CDH7: variants seen among roughly 807,000 people sequenced by gnomAD.
CDH7 encodes the protein cadherin-7.
In CDH7, 25 loss-of-function variants were observed where a neutral mutation model predicts 71.8. That is an observed-to-expected ratio of 0.35 (90% confidence interval 0.25 to 0.49). The LOEUF is 0.49. CDH7 is among the 20% of genes least tolerant of loss of function. The pLI, the probability that CDH7 is intolerant of heterozygous loss-of-function variation, is 0.99. For synonymous variants in CDH7, 381 were observed against 363.8 expected (o/e 1.05, Z -0.54); for missense variants, 862 against 974.6 (o/e 0.88, Z 1.54).
At chr18:65,828,515 T>A (rs1912215044) in intron 6 of CDH7, among the ~76,000 whole-genome samples, 1 of 152,186 alleles carries the variant, frequency 6.6e-6, no homozygotes, top group Non-Finnish European at 1.5e-5. Flanking sequence ...AAAATTGGTA[T>A]GTATTAAATG....
intron 2 of CDH7, among the ~76,000 whole-genome samples, chr18:65,765,386 C>A (rs1261610211): frequency 2.0e-5 from 3 of 151,648 alleles, no homozygotes; most frequent in African/African-American, 7.3e-5. Context: ...TCTGAATAAG[C>A]AGAGATATAA....
intron 9 of CDH7, 38 bp downstream of exon 9, chr18:65,859,084 T>C: frequency 1.2e-6 from 2 of 1,600,164 alleles, no homozygotes; most frequent in Non-Finnish European, 1.7e-6. Flanking sequence ...TAATTTGTGG[T>C]TTCTTAAAAA....
chr18:65,888,709 A>T lies in CDH7; in HGVS notation c.*7815A>T, dbSNP rs373000887. 4 of 151,614 alleles carry T rather than the reference A, an allele frequency of 2.6e-5. No homozygotes were observed. The highest frequency in any genetic ancestry group is 4.2e-4 in the South Asian group (2 of 4,784). The allele number at this position is 151,614 out of a possible 1,614,324, so 9.4% of individuals were successfully genotyped here. A position where few individuals can be genotyped will look rare whatever the true frequency, so the allele number is the denominator to read the frequency against. On this transcript the variant is annotated 3_prime_UTR_variant, in exon 12 of 12. Coordinates refer to ENST00000397968, the MANE Select transcript of CDH7 (RefSeq NM_004361.5). ...GCATTGTTAGGTTTTTTAAGGAAAA[A>T]CTTTGATGCCCAGAATAACTGTAAC...
At position 65,883,896 on chromosome 18, in the gene CDH7, G is replaced by C. The variant is rs1185114473; in HGVS notation, c.*3002G>C. 1 of 152,102 alleles carries C rather than the reference G, an allele frequency of 6.6e-6. No homozygotes were observed. Among genetic ancestry groups the C allele is most frequent in the Non-Finnish European group, 1.5e-5 (1 of 67,974 alleles). 9.4% of individuals were successfully genotyped at this position (152,102 alleles called of 1,614,324 possible). A position where few individuals can be genotyped will look rare whatever the true frequency, so the allele number is the denominator to read the frequency against. ...AGTGAAATCCTTGGAGCTACTTGTA[G>C]ACAGGGAGAGGAGTCACTTCTTTAT... On this transcript the variant is annotated 3_prime_UTR_variant, in exon 12 of 12. Transcript: ENST00000397968.
chr18:65,767,844 G>GT (rs1043754761), intron 2 of CDH7, among the ~76,000 whole-genome samples: 13 of 152,078 alleles, frequency 8.5e-5, no homozygotes, highest in Admixed American at 6.5e-5. Flanking sequence ...TTGTTATTTT[G>GT]TTTTTTTCTT....
At chr18:65,804,121 A>G (rs1272140876) in intron 2 of CDH7, among the ~76,000 whole-genome samples, 1 of 152,158 alleles carries the variant, frequency 6.6e-6, no homozygotes, top group African/African-American at 2.4e-5. Context: ...TCTCTTTCAT[A>G]AAATTTCACC....
chr18:65,771,738 C>T (rs1410683016), intron 2 of CDH7, among the ~76,000 whole-genome samples: 2 of 151,658 alleles, frequency 1.3e-5, no homozygotes, highest in Admixed American at 6.6e-5. Context: ...ATTTTACCCA[C>T]GTTTGCTTCA....
At chr18:65,782,165 C>T (rs200638708) in intron 2 of CDH7, among the ~76,000 whole-genome samples, 4,405 of 24,872 alleles carry the variant, frequency 0.18, 754 homozygotes, top group African/African-American at 0.42. Context: ...TTTCTTTCTT[C>T]CTTTCTTTCT....
chr18:65,763,123 A>G, intron 2 of CDH7, 71 bp downstream of exon 2: 1 of 799,294 alleles, frequency 1.3e-6, no homozygotes, highest in Non-Finnish European at 1.8e-6. Flanking sequence ...AAAAACTGCT[A>G]TATATATATA....
chr18:65,839,498 G>A (rs1340702319), intron 6 of CDH7, among the ~76,000 whole-genome samples: 4 of 152,150 alleles, frequency 2.6e-5, no homozygotes, highest in African/African-American at 9.7e-5. Context: ...CACCTTGGGG[G>A]TTAGGATTTG....
At chr18:65,868,052 T>G (rs1913817997) in intron 11 of CDH7, among the ~76,000 whole-genome samples, 1 of 40,586 alleles carries the variant, frequency 2.5e-5, no homozygotes, top group African/African-American at 7.9e-5. Flanking sequence ...TGAACATCAC[T>G]GAAGATTGTG....
chr18:65,782,172 T>A (rs201525661), intron 2 of CDH7, among the ~76,000 whole-genome samples: 3,093 of 63,664 alleles, frequency 0.049, 575 homozygotes, highest in Middle Eastern at 0.13. Flanking sequence ...CTTCCTTTCT[T>A]TCTTTCTTTC....
chr18:65,821,989 C>T (rs1321944256), intron 4 of CDH7, 92 bp from the exon 5 acceptor site: 1 of 980,474 alleles, frequency 1.0e-6, no homozygotes, highest in Non-Finnish European at 1.6e-6. Flanking sequence ...AAGGCAACAA[C>T]TCAAGAGGGA....
At position 65,881,665 on chromosome 18, in the gene CDH7, G is replaced by A. The variant is rs1914235983; in HGVS notation, c.*771G>A. ...ATTATCTCTTCTGATTTGTACAGGA[G>A]AATATCTTTTCTTTTTTATTTGACA... On this transcript the variant is annotated 3_prime_UTR_variant, in exon 12 of 12. Coordinates refer to ENST00000397968, the MANE Select transcript of CDH7 (RefSeq NM_004361.5). 2 of 152,030 alleles carry A rather than the reference G, an allele frequency of 1.3e-5. No homozygotes were observed. Among genetic ancestry groups the A allele is most frequent in the South Asian group, 4.1e-4 (2 of 4,830 alleles). The allele number at this position is 152,030 out of a possible 1,614,324, so 9.4% of individuals were successfully genotyped here.
At chr18:65,774,624 G>C (rs1237910918) in intron 2 of CDH7, among the ~76,000 whole-genome samples, 1 of 140,344 alleles carries the variant, frequency 7.1e-6, no homozygotes, top group Non-Finnish European at 1.5e-5. Context: ...CGATTTCCTC[G>C]GGGCCGTCAT....
At chr18:65,833,825 G>T (rs1240463641) in intron 6 of CDH7, among the ~76,000 whole-genome samples, 1 of 152,072 alleles carries the variant, frequency 6.6e-6, no homozygotes, top group Non-Finnish European at 1.5e-5. Context: ...TGATCAAAAG[G>T]CACTGACTTT....
At chr18:65,794,278 T>C (rs1910825868) in intron 2 of CDH7, among the ~76,000 whole-genome samples, 1 of 151,974 alleles carries the variant, frequency 6.6e-6, no homozygotes, top group Non-Finnish European at 1.5e-5. Context: ...ATGTGGAAAG[T>C]TGTAGGGAAC....
At chr18:65,752,000 A>G (rs1915894955) in intron 1 of CDH7, among the ~76,000 whole-genome samples, 1 of 152,250 alleles carries the variant, frequency 6.6e-6, no homozygotes, top group South Asian at 2.1e-4. Context: ...GCAAATGGCA[A>G]ACTATTGAGA....
chr18:65,877,875 G>A (rs766072348), intron 11 of CDH7, among the ~76,000 whole-genome samples: 4 of 152,134 alleles, frequency 2.6e-5, no homozygotes, highest in Admixed American at 6.5e-5. Flanking sequence ...TGTCTTTCTT[G>A]AGCAAGCAAA....
Sources: gnomAD v4.1 joint callset for allele counts (sites outside exome capture counted in the v4.1 genomes callset) on GRCh38, gnomAD v4.1.1 for gene constraint, MANE v1.5 for transcripts, NCBI Gene and HGNC (gene_info 2026-07-23, HGNC 2026-07-21) for gene names.